The following MAP6 variants were observed in gnomAD, a reference collection of about 807,000 sequenced individuals.
The protein encoded by MAP6 is microtubule-associated protein 6.
Under a neutral mutation model 42.4 loss-of-function variants are expected in MAP6, and 26 were observed. That is an observed-to-expected ratio of 0.61 (90% confidence interval 0.45 to 0.85). The LOEUF is 0.85. MAP6 is among the 40% of genes least tolerant of loss of function. The pLI is 0.00. For synonymous variants in MAP6, 418 were observed against 443.8 expected (o/e 0.94, Z 0.73); for missense variants, 966 against 1,099.0 (o/e 0.88, Z 1.71).
In MAP6 at chr11:75,608,307, T is replaced by C; in HGVS notation, c.921A>G (p.Ala307=). Reference sequence around the variant, plus strand: ...GTTTCACAGGCTTGATGTCCGTCCATGCCCTGAATTCATTCCTGTTAGTCA... The same window carrying C: ...GTTTCACAGGCTTGATGTCCGTCCACGCCCTGAATTCATTCCTGTTAGTCA... ...VSSSYRNEFR[A]WTDIKPVKPI... is the part of the protein sequence containing the mutation. Residue 307 remains alanine (A), a synonymous_variant, in exon 2 of 4, where the codon GCA becomes GCG. Coordinates refer to ENST00000304771, the MANE Select transcript of MAP6 (RefSeq NM_033063.2). 6.2e-7 allele frequency: 1 copy of C among 1,614,158 alleles called. No individual in the cohort carries two copies. The highest frequency in any genetic ancestry group is 8.5e-7 in the Non-Finnish European group (1 of 1,179,982).
intron 3 of MAP6, among the ~76,000 whole-genome samples, chr11:75,600,232 G>A (rs535060442): frequency 2.8e-4 from 43 of 152,174 alleles, no homozygotes; most frequent in Non-Finnish European, 5.3e-4. Context: ...GCTCCTCTGA[G>A]GGGGGGTATT....
chr11:75,620,575 C>G (rs547696070), intron 1 of MAP6, among the ~76,000 whole-genome samples: 1 of 151,844 alleles, frequency 6.6e-6, no homozygotes, highest in Admixed American at 6.6e-5. Context: ...TTCCCTGATG[C>G]CCTGATACCA....
Position 75,603,641 on chromosome 11 carries a change from C to T in MAP6, c.1316+2167G>A, listed in dbSNP as rs567181100. On this transcript the variant is annotated intron_variant, in intron 3 of 3. Coordinates refer to ENST00000304771, the MANE Select transcript of MAP6 (RefSeq NM_033063.2). ...CCTGTGGGACCCTTATGTCAAACTG[C>T]GATTTGGGCAACACCAACTTGACTT... 8.5e-5 allele frequency: 84 copies of T among 984,748 alleles called. No individual in the cohort carries two copies. In the South Asian group the frequency reaches 2.6e-3, roughly 30 times the overall value. 61.0% of individuals were successfully genotyped at this position (984,748 alleles called of 1,614,324 possible).
chr11:75,607,001 G>A (rs1383625644), intron 2 of MAP6, among the ~76,000 whole-genome samples: 1 of 152,116 alleles, frequency 6.6e-6, no homozygotes, highest in African/African-American at 2.4e-5. Context: ...TGCCCCGGGT[G>A]CCACACCATC....
intron 3 of MAP6, among the ~76,000 whole-genome samples, chr11:75,599,941 A>G (rs1942639329): frequency 1.3e-5 from 2 of 152,234 alleles, no homozygotes; most frequent in South Asian, 4.1e-4. Context: ...ATGGCACAGA[A>G]AGAAACGCTT....
intron 1 of MAP6, among the ~76,000 whole-genome samples, chr11:75,630,313 A>AT (rs1421572501): frequency 1.3e-5 from 2 of 151,810 alleles, no homozygotes; most frequent in Non-Finnish European, 2.9e-5. Context: ...CTCTTTTTCT[A>AT]TTTTTTGGAA....
intron 3 of MAP6, among the ~76,000 whole-genome samples, chr11:75,600,692 C>G (rs940696128): frequency 6.6e-6 from 1 of 152,260 alleles, no homozygotes; most frequent in South Asian, 2.1e-4. Context: ...ACTTCTGTAC[C>G]TATGGTCCTG....
In MAP6 at chr11:75,607,163, C is replaced by A. The variant is rs571950604; in HGVS notation, c.1119+946G>T. ...GAGGTTTCCTGGAACACAGAACTTT[C>A]AGTGCTAAAATGGAAGAATCCCAGG... On this transcript the variant is annotated intron_variant, in intron 2 of 3. Transcript: ENST00000304771. The A allele has an allele frequency of 3.3e-6, 3 of 909,148 alleles. No homozygotes were observed. The African/African-American group carries it at 5.4e-5, about 16-fold the overall frequency. The allele number at this position is 909,148 out of a possible 1,614,324, so 56.3% of individuals were successfully genotyped here. A position where few individuals can be genotyped will look rare whatever the true frequency, so the allele number is the denominator to read the frequency against.
chr11:75,605,614 G>C, intron 3 of MAP6, 194 bp downstream of exon 3: 3 of 1,381,144 alleles, frequency 2.2e-6, no homozygotes, highest in Non-Finnish European at 2.8e-6. Flanking sequence ...GAGGAGGCCT[G>C]CCACTCAGTC....
intron 1 of MAP6, among the ~76,000 whole-genome samples, chr11:75,617,033 A>C (rs1943006750): frequency 6.6e-6 from 1 of 152,180 alleles, no homozygotes; most frequent in Admixed American, 6.5e-5. Context: ...TCTGGCAATG[A>C]TAGGTGTCAA....
At chr11:75,632,171 T>C (rs180897610) in intron 1 of MAP6, among the ~76,000 whole-genome samples, 2 of 152,246 alleles carry the variant, frequency 1.3e-5, no homozygotes, top group East Asian at 3.9e-4. Flanking sequence ...CCCTATTAGC[T>C]CTATTCTATT....
chr11:75,661,177 A>T (rs1320570077), intron 1 of MAP6, among the ~76,000 whole-genome samples: 1 of 152,148 alleles, frequency 6.6e-6, no homozygotes, highest in Non-Finnish European at 1.5e-5. Context: ...CACCTGAATA[A>T]GTGAATCAGT....
chr11:75,640,067 C>A (rs1436458786), intron 1 of MAP6, among the ~76,000 whole-genome samples: 1 of 152,160 alleles, frequency 6.6e-6, no homozygotes, highest in East Asian at 1.9e-4. Context: ...CATGGATACC[C>A]TCCACTCCCA....
At chr11:75,607,442 T>G in intron 2 of MAP6, 3 of 985,470 alleles carry the variant, frequency 3.0e-6, no homozygotes, top group Non-Finnish European at 3.6e-6. Context: ...ATCTCCAACA[T>G]GCTTCTCCTG....
intron 1 of MAP6, among the ~76,000 whole-genome samples, chr11:75,658,823 C>T (rs1285685638): frequency 2.0e-5 from 3 of 152,196 alleles, no homozygotes; most frequent in East Asian, 1.9e-4. Flanking sequence ...CTCCCATTTA[C>T]CGCCAACTCA....
intron 3 of MAP6, chr11:75,605,526 C>A: frequency 1.6e-6 from 2 of 1,227,074 alleles, no homozygotes; most frequent in Non-Finnish European, 1.0e-6. Context: ...CTGCCTTGCT[C>A]ATCAGCATGC....
chr11:75,605,034 C>A, intron 3 of MAP6: 1 of 985,460 alleles, frequency 1.0e-6, no homozygotes, highest in Non-Finnish European at 1.2e-6. Context: ...AGGTGGTCGG[C>A]CGAGGAGAAT....
intron 1 of MAP6, among the ~76,000 whole-genome samples, chr11:75,617,720 C>G (rs1345344913): frequency 6.6e-6 from 1 of 151,718 alleles, no homozygotes; most frequent in African/African-American, 2.4e-5. Flanking sequence ...AAATATACCT[C>G]AAGTAGAAAG....
rs1176091479 is a variant in MAP6, at chr11:75,587,114, G to C, written c.2387C>G (p.Pro796Arg). The C allele has an allele frequency of 2.5e-6, 4 of 1,612,312 alleles. No homozygotes were observed. Among genetic ancestry groups the C allele is most frequent in the Non-Finnish European group, 3.4e-6 (4 of 1,178,672 alleles). The change falls in exon 4 of 4, where the codon CCC (proline) becomes CGC (arginine). Residue 796 changes from proline to arginine, a missense_variant. Physicochemically the swap from Pro to Arg is moderately radical, Grantham distance 103. Around this residue, in one of 2 missense-constraint regions of MAP6, gnomAD observed 943 missense variants for 1,049.9 expected, o/e 0.90. Transcript: ENST00000304771. ...DPQLPTVSPLPRVMIPTAPHT... is the reference protein window; with the variant it reads ...DPQLPTVSPLRRVMIPTAPHT... ...GGGGGCAGTTGGGATCATGACTCGG[G>C]GTAGAGGTGAGACAGTAGGTAGCTG...
Sources: allele counts gnomAD v4.1 joint callset (sites outside exome capture counted in the v4.1 genomes callset), GRCh38; gene constraint gnomAD v4.1.1; regional missense constraint gnomAD v4.1.1; transcripts MANE v1.5; gene names NCBI Gene and HGNC (gene_info 2026-07-23, HGNC 2026-07-21).